Variants in BDNF observed in about 807,000 individuals in gnomAD.
BDNF encodes the protein neurotrophic factor BDNF precursor form.
Under a neutral mutation model 19.5 loss-of-function variants are expected in BDNF, and 1 was observed. The ratio of observed to expected loss-of-function variants is 0.05; its 90% CI spans 0.02 to 0.24. BDNF has a LOEUF of 0.24. Ranked by LOEUF, BDNF falls within the 10% of genes least tolerant of loss-of-function variation. The pLI is 1.00. For missense variants in BDNF, 195 were observed against 317.6 expected (o/e 0.61, Z 2.93); for synonymous variants, 100 against 121.6 (o/e 0.82, Z 1.17).
At chr11:27,669,956 T>G (rs558386054) in intron 1 of BDNF, among the ~76,000 whole-genome samples, 2 of 152,022 alleles carry the variant, frequency 1.3e-5, no homozygotes, top group African/African-American at 4.8e-5. Context: ...GCCAAGACAA[T>G]CCTAAACCAA....
intron 1 of BDNF, among the ~76,000 whole-genome samples, chr11:27,669,006 C>T (rs1413585287): frequency 6.6e-6 from 1 of 152,184 alleles, no homozygotes; most frequent in Non-Finnish European, 1.5e-5. Flanking sequence ...TGGAAAAATC[C>T]TCAGTAAAAT....
intron 1 of BDNF, among the ~76,000 whole-genome samples, chr11:27,664,885 G>A (rs1435092776): frequency 7.9e-5 from 12 of 152,092 alleles, no homozygotes; most frequent in Non-Finnish European, 2.9e-5. Context: ...CTGCCTCCTT[G>A]TCACAGAGCA....
intron 1 of BDNF, among the ~76,000 whole-genome samples, chr11:27,683,291 A>G (rs1857073131): frequency 6.6e-6 from 1 of 152,078 alleles, no homozygotes; most frequent in Admixed American, 6.6e-5. Flanking sequence ...GGTTCCTTGT[A>G]GATTCTGGAT....
At chr11:27,676,415 G>T (rs1856113855) in intron 1 of BDNF, among the ~76,000 whole-genome samples, 1 of 151,984 alleles carries the variant, frequency 6.6e-6, no homozygotes, top group South Asian at 2.1e-4. Context: ...GAACTGAAGG[G>T]GATTTTTTTT....
In BDNF at chr11:27,658,790, A is replaced by G. The variant is rs1852923773; in HGVS notation, c.-21-205T>C. Reference sequence around the variant, plus strand: ...GGTTTAATATAAACCAGAGACATGCAGTGTTTCCCCCAAGATCTAGCATAT... The same window carrying G: ...GGTTTAATATAAACCAGAGACATGCGGTGTTTCCCCCAAGATCTAGCATAT... On this transcript the variant is annotated intron_variant, in intron 1 of 1. Coordinates refer to ENST00000356660, the MANE Select transcript of BDNF (RefSeq NM_001709.5). This position sits in a 1 kb window ranked among gnomAD's most constrained non-coding sequence, Gnocchi z 5.7. The G allele has an allele frequency of 1.4e-6, 2 of 1,447,352 alleles. No homozygotes were observed. Among genetic ancestry groups the G allele is most frequent in the African/African-American group, 2.9e-5 (2 of 69,860 alleles). The allele number at this position is 1,447,352 out of a possible 1,614,324, so 89.7% of individuals were successfully genotyped here. A position where few individuals can be genotyped will look rare whatever the true frequency, so the allele number is the denominator to read the frequency against.
intron 1 of BDNF, among the ~76,000 whole-genome samples, chr11:27,689,347 T>C (rs1264624934): frequency 6.6e-6 from 1 of 152,236 alleles, no homozygotes; most frequent in Non-Finnish European, 1.5e-5. Flanking sequence ...CTCTGTTATA[T>C]AGAAATAATG....
intron 1 of BDNF, among the ~76,000 whole-genome samples, chr11:27,688,616 TGTCCCTCATGGCACA>T (rs1271680609): frequency 1.3e-5 from 2 of 152,302 alleles, no homozygotes; most frequent in East Asian, 3.9e-4. Context: ...CAGATAGCAC[TGTCCCTCATGGCACA>T]GTCCCTCAGG....
upstream of BDNF, chr11:27,701,156 G>T: frequency 1.6e-6 from 2 of 1,220,902 alleles, no homozygotes; most frequent in Non-Finnish European, 2.2e-6. Flanking sequence ...ATTTTTTATT[G>T]ATGAACGCCC....
At chr11:27,707,382 A>T (rs1480017473) in intron 1 of BDNF, among the ~76,000 whole-genome samples, 1 of 152,236 alleles carries the variant, frequency 6.6e-6, no homozygotes, top group Non-Finnish European at 1.5e-5. Context: ...CTGTAAAATC[A>T]GTCCAATTGG....
chr11:27,659,028 T>C, intron 1 of BDNF: 1 of 1,076,118 alleles, frequency 9.3e-7, no homozygotes, highest in African/African-American at 1.7e-5. Context: ...TTTGCAGGAA[T>C]GTGTGACAGG....
At chr11:27,682,870 C>T (rs1341352361) in intron 1 of BDNF, among the ~76,000 whole-genome samples, 2 of 152,166 alleles carry the variant, frequency 1.3e-5, no homozygotes, top group African/African-American at 4.8e-5. Flanking sequence ...AATAAACATA[C>T]ATGTGCATGT....
chr11:27,668,025 A>T (rs992948421), intron 1 of BDNF, among the ~76,000 whole-genome samples: 6 of 152,104 alleles, frequency 3.9e-5, no homozygotes, highest in African/African-American at 1.2e-4. Flanking sequence ...GAAGTAAAGC[A>T]CTCCTCAGCA....
intron 1 of BDNF, among the ~76,000 whole-genome samples, chr11:27,689,013 A>G (rs1857889188): frequency 6.6e-6 from 1 of 152,236 alleles, no homozygotes; most frequent in Admixed American, 6.5e-5. Flanking sequence ...ATTAAATTAA[A>G]AAACTCCTTG....
chr11:27,687,721 G>A (rs1316888008), intron 1 of BDNF, among the ~76,000 whole-genome samples: 1 of 152,160 alleles, frequency 6.6e-6, no homozygotes, highest in Non-Finnish European at 1.5e-5. Context: ...TGTTTGCCTG[G>A]GTATCACCAG....
At chr11:27,674,250 G>A in intron 1 of BDNF, 1 of 1,581,090 alleles carries the variant, frequency 6.3e-7, no homozygotes, top group Non-Finnish European at 8.6e-7. Flanking sequence ...GATTAACCTT[G>A]TGCACTCATG....
At chr11:27,699,718 C>A (rs1013186621) in intron 1 of BDNF, 4 of 1,375,000 alleles carry the variant, frequency 2.9e-6, no homozygotes, top group South Asian at 3.2e-5. Flanking sequence ...CCCTCCCACT[C>A]CCCCCGCAAG....
At chr11:27,720,435 C>T in intron 1 of BDNF, 1 of 985,838 alleles carries the variant, frequency 1.0e-6, no homozygotes, top group African/African-American at 1.7e-5. Context: ...CAACCCGGAG[C>T]TTGCCAAGAG....
chr11:27,706,528 T>C (rs1860116535), intron 1 of BDNF, among the ~76,000 whole-genome samples: 1 of 152,234 alleles, frequency 6.6e-6, no homozygotes, highest in Non-Finnish European at 1.5e-5. Flanking sequence ...CTCCTTATGT[T>C]ATTAAGTCAC....
chr11:27,687,157 G>A (rs557717976), intron 1 of BDNF, among the ~76,000 whole-genome samples: 1 of 151,974 alleles, frequency 6.6e-6, no homozygotes, highest in South Asian at 2.1e-4. Flanking sequence ...TCATTAAATT[G>A]ATCTTCAATC....
Sources: gnomAD v4.1 joint callset for allele counts (sites outside exome capture counted in the v4.1 genomes callset) on GRCh38, gnomAD v4.1.1 for gene constraint, Gnocchi (gnomAD v3.1) non-coding constraint, MANE v1.5 for transcripts, NCBI Gene and HGNC (gene_info 2026-07-23, HGNC 2026-07-21) for gene names.